The following INTS13 variants were observed in gnomAD, a reference collection of about 807,000 sequenced individuals.
INTS13 encodes asunder, spermatogenesis regulator homolog (Drosphila).
In INTS13, 35 loss-of-function variants were observed where a neutral mutation model predicts 90.2. The observed-to-expected ratio is 0.39, with a 90% CI of 0.30 to 0.51. The LOEUF (loss-of-function observed/expected upper bound fraction) is 0.51. Ranked by LOEUF, INTS13 falls within the 20% of genes least tolerant of loss-of-function variation. The pLI is 0.80. For synonymous variants in INTS13, 309 were observed against 277.1 expected, an observed-to-expected ratio of 1.11 and a Z score of -1.14; for missense variants, 601 against 851.2, an observed-to-expected ratio of 0.71 and a Z score of 3.66.
At chr12:26,915,889 C>T in intron 11 of INTS13, 113 bp downstream of exon 11, 1 of 697,036 alleles carries the variant, frequency 1.4e-6, no homozygotes, top group East Asian at 2.8e-5. Flanking sequence ...TAATAATCAA[C>T]TTCTTCCAGT....
At chr12:26,929,119 C>A in intron 3 of INTS13, 1 of 501,066 alleles carries the variant, frequency 2.0e-6, no homozygotes, top group East Asian at 3.3e-5. Context: ...ATTTAATATG[C>A]AAATATCAAT....
At chr12:26,919,356 A>G (rs574556346) in intron 8 of INTS13, among the ~76,000 whole-genome samples, 1 of 152,188 alleles carries the variant, frequency 6.6e-6, no homozygotes, top group Admixed American at 6.5e-5. Flanking sequence ...GGGCCAGACA[A>G]TGAAGGGCCT....
At position 26,916,199 on chromosome 12, in the gene INTS13, C is replaced by T; in HGVS notation, c.1070-19G>A. 1.9e-6 allele frequency: 3 copies of T among 1,584,288 alleles called. No homozygotes were observed. Among genetic ancestry groups the T allele is most frequent in the Admixed American group, 1.8e-5 (1 of 55,350 alleles). Reference sequence around the variant, plus strand: ...GAACGACCTGTCAAAAACAAGATTACACTATCAGTAATGAAACTCAAATGG... The same window carrying T: ...GAACGACCTGTCAAAAACAAGATTATACTATCAGTAATGAAACTCAAATGG... On this transcript the variant is annotated intron_variant, in intron 10 of 16. Coordinates refer to ENST00000261191, the MANE Select transcript of INTS13 (RefSeq NM_018164.3).
intron 15 of INTS13, among the ~76,000 whole-genome samples, chr12:26,909,075 TG>T (rs1259870127): frequency 6.6e-6 from 1 of 152,180 alleles, no homozygotes; most frequent in African/African-American, 2.4e-5. Flanking sequence ...TACCACCCTG[TG>T]GGGGCTGGGC....
intron 4 of INTS13, 77 bp downstream of exon 4, chr12:26,928,626 G>T: frequency 7.1e-7 from 1 of 1,402,882 alleles, no homozygotes; most frequent in African/African-American, 1.4e-5. Flanking sequence ...TAAACATGCT[G>T]TCTCTACTAT....
At chr12:26,927,408 T>C (rs1041476839) in intron 5 of INTS13, among the ~76,000 whole-genome samples, 6 of 152,180 alleles carry the variant, frequency 3.9e-5, no homozygotes, top group South Asian at 2.1e-4. Flanking sequence ...GTTGGAGAAT[T>C]GGTGCGGAAG....
chr12:26,914,698 C>T lies in INTS13; in HGVS notation c.1249-120G>A, dbSNP rs143590604. On this transcript the variant is annotated intron_variant, in intron 11 of 16. Transcript: ENST00000261191. ...TGTGATGTGCAACAAAACATTTTTT[C>T]TAACAGTATCCCTTAACTCCACTAC... The T allele has an allele frequency of 3.6e-3, 2,627 of 720,974 alleles. 11 individuals carry two copies. The highest frequency in any genetic ancestry group is 4.8e-3 in the Non-Finnish European group (2,207 of 459,162). 44.7% of individuals were successfully genotyped at this position (720,974 alleles called of 1,614,324 possible). A position where few individuals can be genotyped will look rare whatever the true frequency, so the allele number is the denominator to read the frequency against.
At chr12:26,921,368 T>G (rs562200121) in intron 8 of INTS13, among the ~76,000 whole-genome samples, 1 of 152,244 alleles carries the variant, frequency 6.6e-6, no homozygotes, top group Non-Finnish European at 1.5e-5. Context: ...CCTATTCTTT[T>G]CCCTTCCTCA....
intron 15 of INTS13, among the ~76,000 whole-genome samples, chr12:26,908,491 T>C (rs1951677828): frequency 6.6e-6 from 1 of 151,972 alleles, no homozygotes; most frequent in Non-Finnish European, 1.5e-5. Context: ...CTAAAAATTT[T>C]AGTCTTTTTT....
In INTS13 at chr12:26,916,011, G is replaced by A; in HGVS notation, c.1239C>T (p.Tyr413=). 1 of 1,610,588 alleles carries A rather than the reference G, an allele frequency of 6.2e-7. No homozygotes were observed. The highest frequency in any genetic ancestry group is 8.5e-7 in the Non-Finnish European group (1 of 1,178,452). Residue 413 remains tyrosine, a synonymous_variant, in exon 11 of 17, where the codon TAC becomes TAT. Coordinates refer to ENST00000261191, the MANE Select transcript of INTS13 (RefSeq NM_018164.3). ...GATATTAGAGTCTTACTGTAATCCG[G>A]TAGTCTGTAACTCTTCCTCCACATC... ...SEGCGGRVTD[Y]RITDFGEFMR... is the part of the protein sequence containing the mutation.
At chr12:26,916,330 C>T (rs1318489935) in intron 10 of INTS13, 150 bp from the exon 11 acceptor site, 6 of 712,772 alleles carry the variant, frequency 8.4e-6, no homozygotes, top group Non-Finnish European at 1.1e-5. Context: ...CTCTTCCATG[C>T]CTAAAAATCT....
chr12:26,926,899 C>G (rs1937906298), intron 5 of INTS13, among the ~76,000 whole-genome samples: 1 of 152,204 alleles, frequency 6.6e-6, no homozygotes, highest in African/African-American at 2.4e-5. Context: ...GCATTCAGCC[C>G]CACTCTGCTA....
chr12:26,922,862 T>C (rs1023487728), intron 7 of INTS13, among the ~76,000 whole-genome samples, 162 bp from the exon 8 acceptor site: 1 of 152,158 alleles, frequency 6.6e-6, no homozygotes, highest in East Asian at 1.9e-4. Flanking sequence ...AAGTGTTCCA[T>C]GCAACATAAA....
At chr12:26,906,230 A>G in intron 16 of INTS13, 72 bp downstream of exon 16, 1 of 1,392,290 alleles carries the variant, frequency 7.2e-7, no homozygotes, top group Non-Finnish European at 9.7e-7. Flanking sequence ...TGATTATTAC[A>G]AATAAGCAAT....
intron 15 of INTS13, among the ~76,000 whole-genome samples, chr12:26,907,733 C>T (rs890910467): frequency 2.0e-5 from 3 of 152,148 alleles, no homozygotes; most frequent in Admixed American, 6.5e-5. Flanking sequence ...TCAAAATCCA[C>T]TAATAAGAAA....
intron 15 of INTS13, among the ~76,000 whole-genome samples, chr12:26,907,085 T>C (rs1421809255): frequency 6.6e-6 from 1 of 152,214 alleles, no homozygotes; most frequent in Non-Finnish European, 1.5e-5. Context: ...GCTTTTCTAA[T>C]TATAATAGTC....
At chr12:26,925,681 G>A (rs1937828283) in intron 6 of INTS13, 80 bp downstream of exon 6, 2 of 1,169,506 alleles carry the variant, frequency 1.7e-6, no homozygotes, top group Admixed American at 2.2e-5. Flanking sequence ...ATTGGCAATG[G>A]ATCATTTTAA....
chr12:26,908,847 G>C (rs1592194457), intron 15 of INTS13, among the ~76,000 whole-genome samples: 1 of 152,158 alleles, frequency 6.6e-6, no homozygotes, highest in South Asian at 2.1e-4. Context: ...ATGCAATCAA[G>C]TTGCTTCTCA....
At chr12:26,908,736 A>G (rs550150681) in intron 15 of INTS13, among the ~76,000 whole-genome samples, 4 of 152,360 alleles carry the variant, frequency 2.6e-5, no homozygotes, top group African/African-American at 9.6e-5. Context: ...GTTGCTGATC[A>G]GAAGAGACAT....
Sources: allele counts gnomAD v4.1 joint callset (sites outside exome capture counted in the v4.1 genomes callset), GRCh38; gene constraint gnomAD v4.1.1; transcripts MANE v1.5; gene names NCBI Gene and HGNC (gene_info 2026-07-23, HGNC 2026-07-21).